Variants in ZZZ3 observed in about 807,000 individuals in gnomAD.
ZZZ3 encodes ZZ-type zinc finger-containing protein 3.
ZZZ3 carries 22 observed loss-of-function variants against 95.2 expected under a neutral mutation model. The ratio of observed to expected loss-of-function variants is 0.23; its 90% confidence interval spans 0.17 to 0.33. The LOEUF is 0.33. ZZZ3 is among the 10% of genes least tolerant of loss of function. The probability of loss-of-function intolerance (pLI) is 1.00; values close to 1 mark genes in which losing one functional copy is unlikely to be tolerated. For synonymous variants in ZZZ3, 335 were observed against 358.9 expected (o/e 0.93, Z 0.75); for missense variants, 885 against 1,066.5 (o/e 0.83, Z 2.37).
At chr1:77,648,009 A>T (rs568234435) in intron 1 of ZZZ3, among the ~76,000 whole-genome samples, 4 of 152,236 alleles carry the variant, frequency 2.6e-5, no homozygotes, top group Admixed American at 6.5e-5. Flanking sequence ...TATGGGAATT[A>T]AAAAAAATCC....
intron 11 of ZZZ3, 28 bp from the exon 12 acceptor site, chr1:77,576,248 G>T (rs1287262610): frequency 1.3e-6 from 2 of 1,542,006 alleles, no homozygotes; most frequent in Non-Finnish European, 1.7e-6. Flanking sequence ...TTTTTAATTG[G>T]TTCAGTGAAA....
At chr1:77,670,816 T>C (rs1309350412) in intron 1 of ZZZ3, among the ~76,000 whole-genome samples, 3 of 151,064 alleles carry the variant, frequency 2.0e-5, no homozygotes, top group Admixed American at 1.3e-4. Context: ...AGGGCTGTCA[T>C]GCGGGTATGC....
Position 77,568,367 on chromosome 1 carries a change from C to T in ZZZ3, c.2431G>A (p.Ala811Thr). Residue 811 changes from alanine to threonine, a missense_variant, in exon 13 of 15, where the codon GCT becomes ACT. Coordinates refer to ENST00000370801, the MANE Select transcript of ZZZ3 (RefSeq NM_015534.6). ...LKKQKLQQMQ[A>T]ESGFVQHVGF... ...ACATGTTGCACAAATCCACTTTCAG[C>T]TTGCATTTGCTGAAGTTTCTGCTTC... 6.3e-7 allele frequency: 1 copy of T among 1,594,598 alleles called. No homozygotes were observed. Among genetic ancestry groups the T allele is most frequent in the Non-Finnish European group, 8.5e-7 (1 of 1,173,938 alleles).
At chr1:77,661,819 A>G (rs751128669) in intron 1 of ZZZ3, among the ~76,000 whole-genome samples, 1 of 151,932 alleles carries the variant, frequency 6.6e-6, no homozygotes, top group African/African-American at 2.4e-5. Flanking sequence ...GCTAACAAGG[A>G]ATTTTTTTTG....
chr1:77,671,425 T>C (rs1056631275), intron 1 of ZZZ3, among the ~76,000 whole-genome samples: 2 of 152,204 alleles, frequency 1.3e-5, no homozygotes, highest in Non-Finnish European at 2.9e-5. Context: ...ATATAATCTA[T>C]GGCACTGAAA....
At position 77,596,972 on chromosome 1, in the gene ZZZ3, A is replaced by T. The variant is rs183948997; in HGVS notation, c.1506-12317T>A. Among the ~76,000 whole-genome samples the T allele has an allele frequency of 2.6e-5, 4 of 152,252 alleles. No homozygotes were observed. In the East Asian group the frequency reaches 7.7e-4, roughly 29 times the overall value. On this transcript the variant is annotated intron_variant, in intron 5 of 14. Coordinates refer to ENST00000370801, the MANE Select transcript of ZZZ3 (RefSeq NM_015534.6). ...TTGCTCTATCAGCTGAGACAGCTAAATAAAAGCAACAATAAACACATTTGG... is the reference window on the plus strand; with the variant it reads ...TTGCTCTATCAGCTGAGACAGCTAATTAAAAGCAACAATAAACACATTTGG...
At chr1:77,668,536 A>T (rs1431123195) in intron 1 of ZZZ3, among the ~76,000 whole-genome samples, 1 of 151,864 alleles carries the variant, frequency 6.6e-6, no homozygotes, top group Non-Finnish European at 1.5e-5. Context: ...TACCATATCT[A>T]TTTATAATAA....
At chr1:77,626,015 AG>A (rs1470650369) in intron 5 of ZZZ3, among the ~76,000 whole-genome samples, 6 of 152,206 alleles carry the variant, frequency 3.9e-5, no homozygotes, top group African/African-American at 1.4e-4. Context: ...AAGAAAAAAA[AG>A]AAAAGGTTAA....
chr1:77,564,678 G>A lies in ZZZ3; in HGVS notation c.*962C>T, dbSNP rs928142441. On this transcript the variant is annotated 3_prime_UTR_variant, in exon 15 of 15. Coordinates refer to ENST00000370801, the MANE Select transcript of ZZZ3 (RefSeq NM_015534.6). ...ATGCATGTGAACCCTTGCTCACTGTGCAGACTAAATTTAATCACTTGTTTA... is the reference window on the plus strand; with the variant it reads ...ATGCATGTGAACCCTTGCTCACTGTACAGACTAAATTTAATCACTTGTTTA... 26 of 152,578 alleles carry A rather than the reference G, an allele frequency of 1.7e-4. No homozygotes were observed. Among genetic ancestry groups the A allele is most frequent in the Admixed American group, 9.8e-4 (15 of 15,282 alleles). The allele number at this position is 152,578 out of a possible 1,614,324, so 9.5% of individuals were successfully genotyped here.
At chr1:77,598,828 C>T (rs1032745780) in intron 5 of ZZZ3, among the ~76,000 whole-genome samples, 1 of 152,144 alleles carries the variant, frequency 6.6e-6, no homozygotes, top group Admixed American at 6.6e-5. Flanking sequence ...AAGCATTTCC[C>T]ATGTTGTAAA....
intron 5 of ZZZ3, among the ~76,000 whole-genome samples, chr1:77,619,006 G>A (rs899061565): frequency 1.3e-5 from 2 of 151,934 alleles, no homozygotes. Flanking sequence ...AAAGCTAAAT[G>A]CAACTATATT....
At chr1:77,659,167 G>A (rs1475825075) in intron 1 of ZZZ3, among the ~76,000 whole-genome samples, 1 of 151,960 alleles carries the variant, frequency 6.6e-6, no homozygotes, top group African/African-American at 2.4e-5. Context: ...GCGGTGAGCC[G>A]AGATCATGCA....
intron 10 of ZZZ3, among the ~76,000 whole-genome samples, chr1:77,579,086 G>A (rs1396671420): frequency 2.0e-5 from 3 of 152,090 alleles, no homozygotes; most frequent in African/African-American, 7.2e-5. Flanking sequence ...TGATTCTAAA[G>A]CTAAACACAT....
chr1:77,670,738 T>C (rs1167186257), intron 1 of ZZZ3, among the ~76,000 whole-genome samples: 1 of 148,946 alleles, frequency 6.7e-6, no homozygotes, highest in African/African-American at 2.5e-5. Flanking sequence ...GTTTGTTCTG[T>C]TTTTTTTTAA....
At chr1:77,661,445 G>C (rs192722360) in intron 1 of ZZZ3, among the ~76,000 whole-genome samples, 42 of 151,956 alleles carry the variant, frequency 2.8e-4, no homozygotes, top group Non-Finnish European at 4.1e-4. Flanking sequence ...CAAAAACAAT[G>C]GTACAGAAAA....
intron 1 of ZZZ3, among the ~76,000 whole-genome samples, chr1:77,668,282 T>G (rs527810572): frequency 6.6e-6 from 1 of 152,342 alleles, no homozygotes; most frequent in African/African-American, 2.4e-5. Flanking sequence ...CCTGCTTTTC[T>G]GGGAATTGCT....
chr1:77,566,958 G>A (rs1660888715), intron 13 of ZZZ3, among the ~76,000 whole-genome samples: 1 of 152,180 alleles, frequency 6.6e-6, no homozygotes, highest in Non-Finnish European at 1.5e-5. Flanking sequence ...TAGGAGAAGT[G>A]AAGCAAGTTT....
At chr1:77,639,105 GGACAGTCAGACAGACA>G (rs994507819) in intron 4 of ZZZ3, among the ~76,000 whole-genome samples, 1 of 151,830 alleles carries the variant, frequency 6.6e-6, no homozygotes, top group Non-Finnish European at 1.5e-5. Context: ...GCAGATAAGC[GGACAGTCAGACAGACA>G]GACAGACAGA....
At chr1:77,611,761 G>A (rs1665835529) in intron 5 of ZZZ3, among the ~76,000 whole-genome samples, 1 of 151,936 alleles carries the variant, frequency 6.6e-6, no homozygotes, top group Admixed American at 6.6e-5. Flanking sequence ...CGATGCTGGG[G>A]AAACTGGATA....
Sources: allele counts gnomAD v4.1 joint callset (sites outside exome capture counted in the v4.1 genomes callset), GRCh38; gene constraint gnomAD v4.1.1; transcripts MANE v1.5; gene names NCBI Gene and HGNC (gene_info 2026-07-23, HGNC 2026-07-21).